SLC22A15: variants seen among roughly 807,000 people sequenced by gnomAD.
The protein encoded by SLC22A15 is flipt 1.
SLC22A15 carries 45 observed loss-of-function variants against 62.7 expected under a neutral mutation model. The ratio of observed to expected loss-of-function variants is 0.72; its 90% CI spans 0.56 to 0.92. The LOEUF (loss-of-function observed/expected upper bound fraction) is 0.92. SLC22A15 is among the 40% of genes least tolerant of loss of function. The pLI is 0.00. For missense variants in SLC22A15, 622 were observed against 665.6 expected (o/e 0.93, Z 0.72); for synonymous variants, 264 against 267.0 (o/e 0.99, Z 0.11).
At chr1:115,997,795 G>T (rs771464483) in intron 2 of SLC22A15, among the ~76,000 whole-genome samples, 1 of 151,440 alleles carries the variant, frequency 6.6e-6, no homozygotes, top group Admixed American at 6.6e-5. Context: ...TCTTTCTCTT[G>T]TCTGATTGCT....
At chr1:116,011,925 T>C (rs560487363) in intron 2 of SLC22A15, among the ~76,000 whole-genome samples, 34 of 152,258 alleles carry the variant, frequency 2.2e-4, no homozygotes, top group Non-Finnish European at 3.8e-4. Flanking sequence ...CCTAGACTTC[T>C]GCACGACAGT....
chr1:116,051,757 A>G (rs1309466453), intron 8 of SLC22A15, among the ~76,000 whole-genome samples: 3 of 152,220 alleles, frequency 2.0e-5, no homozygotes, highest in Non-Finnish European at 4.4e-5. Flanking sequence ...GGACATGTCC[A>G]GCAGCTGCTC....
chr1:116,033,756 A>G (rs1657528597), intron 6 of SLC22A15, among the ~76,000 whole-genome samples: 1 of 152,216 alleles, frequency 6.6e-6, no homozygotes, highest in African/African-American at 2.4e-5. Flanking sequence ...CTTTCATGCA[A>G]GATACCTGGG....
At chr1:116,054,622 C>A (rs903420031) in intron 8 of SLC22A15, among the ~76,000 whole-genome samples, 20 of 152,132 alleles carry the variant, frequency 1.3e-4, no homozygotes, top group Admixed American at 9.2e-4. Flanking sequence ...AGCACCACAC[C>A]ACACCTATTC....
intron 2 of SLC22A15, among the ~76,000 whole-genome samples, chr1:116,009,730 T>C (rs1656156509): frequency 6.6e-6 from 1 of 152,238 alleles, no homozygotes; most frequent in African/African-American, 2.4e-5. Context: ...AATTGGTACC[T>C]AAACATGTCA....
At position 116,069,949 on chromosome 1, in the gene SLC22A15, T is replaced by C. The variant is rs912138318; in HGVS notation, c.*2841T>C. On this transcript the variant is annotated 3_prime_UTR_variant, in exon 12 of 12. Coordinates refer to ENST00000369503, the MANE Select transcript of SLC22A15 (RefSeq NM_018420.3). ...ACTTCTCCATACAAATGCTTTATCA[T>C]TGGTTCTTAAATTGGAAAAATATCT... 8.5e-5 allele frequency: 13 copies of C among 152,242 alleles called. No homozygotes were observed. The highest frequency in any genetic ancestry group is 2.4e-4 in the African/African-American group (10 of 41,472). 9.4% of individuals were successfully genotyped at this position (152,242 alleles called of 1,614,324 possible). A position where few individuals can be genotyped will look rare whatever the true frequency, so the allele number is the denominator to read the frequency against.
intron 2 of SLC22A15, among the ~76,000 whole-genome samples, chr1:116,015,645 C>G (rs1046591027): frequency 1.4e-4 from 21 of 152,120 alleles, no homozygotes; most frequent in African/African-American, 4.8e-4. Flanking sequence ...AGGCCAAGAT[C>G]AGTATCTTGG....
At chr1:116,021,498 A>G (rs1656835885) in intron 4 of SLC22A15, among the ~76,000 whole-genome samples, 1 of 152,206 alleles carries the variant, frequency 6.6e-6, no homozygotes, top group Admixed American at 6.5e-5. Flanking sequence ...GACTTTATAG[A>G]CTTAGGTTTG....
intron 2 of SLC22A15, among the ~76,000 whole-genome samples, chr1:116,001,583 A>G (rs948715311): frequency 7.2e-5 from 11 of 151,734 alleles, no homozygotes; most frequent in Non-Finnish European, 1.3e-4. Context: ...AGCGCTCATT[A>G]ATTCTTTCTT....
At chr1:116,038,046 A>G (rs900748061) in intron 8 of SLC22A15, among the ~76,000 whole-genome samples, 3 of 152,164 alleles carry the variant, frequency 2.0e-5, no homozygotes, top group African/African-American at 7.2e-5. Flanking sequence ...CTGGTTTTCA[A>G]TCTCTTTTTT....
chr1:116,020,463 G>A (rs1656768008), intron 3 of SLC22A15, among the ~76,000 whole-genome samples: 1 of 151,644 alleles, frequency 6.6e-6, no homozygotes, highest in Admixed American at 6.6e-5. Flanking sequence ...GGCTGAGGCA[G>A]GAGATTGGTG....
rs149372801 is a variant in SLC22A15, at chr1:116,019,651, G to T, written c.370G>T (p.Val124Phe). 9.5e-4 allele frequency: 1,528 copies of T among 1,613,582 alleles called. 10 individuals carry two copies. In the African/African-American group the frequency reaches 0.018, roughly 19 times the overall value. Residue 124 changes from valine to phenylalanine, a missense_variant, in exon 3 of 12, where the codon GTT becomes TTT. Val to Phe is a conservative substitution (Grantham distance 50). Transcript: ENST00000369503. ...CTCTTTTTTCTTCAGTGGTGTATTT[G>T]TTGGAGTTATCTCTTTTGGTCAGCT... Reference protein sequence around the residue: ...ASSFFFSGVFVGVISFGQLSD... With the variant: ...ASSFFFSGVFFGVISFGQLSD...
intron 8 of SLC22A15, among the ~76,000 whole-genome samples, chr1:116,044,240 A>G (rs1441864682): frequency 6.6e-6 from 1 of 152,224 alleles, no homozygotes; most frequent in Non-Finnish European, 1.5e-5. Context: ...GCACTGCATA[A>G]AAAAGGCAAT....
At chr1:116,049,563 G>A (rs965560388) in intron 8 of SLC22A15, among the ~76,000 whole-genome samples, 2 of 151,940 alleles carry the variant, frequency 1.3e-5, no homozygotes, top group African/African-American at 4.8e-5. Context: ...GACAGTAATG[G>A]CACAACCTAT....
At chr1:116,026,034 A>G (rs1657068388) in intron 4 of SLC22A15, among the ~76,000 whole-genome samples, 1 of 152,208 alleles carries the variant, frequency 6.6e-6, no homozygotes, top group Admixed American at 6.5e-5. Flanking sequence ...AAGACAGGAA[A>G]CAAATAAATA....
At chr1:116,040,423 G>A (rs545279122) in intron 8 of SLC22A15, among the ~76,000 whole-genome samples, 1 of 152,264 alleles carries the variant, frequency 6.6e-6, no homozygotes, top group Non-Finnish European at 1.5e-5. Context: ...TTAATCAAGT[G>A]CTGGATTCTC....
intron 4 of SLC22A15, among the ~76,000 whole-genome samples, chr1:116,022,681 C>T (rs1207504385): frequency 6.6e-6 from 1 of 152,160 alleles, no homozygotes; most frequent in Non-Finnish European, 1.5e-5. Context: ...AAAGAGTCCC[C>T]TTGGAGTGTT....
intron 10 of SLC22A15, among the ~76,000 whole-genome samples, chr1:116,065,033 A>C (rs1368285728): frequency 2.0e-5 from 3 of 152,062 alleles, no homozygotes; most frequent in Non-Finnish European, 4.4e-5. Flanking sequence ...AAACTTTCTA[A>C]CTTGTATAGT....
At chr1:115,992,624 CTTTT>C (rs11378927) in intron 2 of SLC22A15, among the ~76,000 whole-genome samples, 2 of 137,512 alleles carry the variant, frequency 1.5e-5, no homozygotes, top group African/African-American at 2.6e-5. Flanking sequence ...TTTTTCTTTT[CTTTT>C]TTTTTTTTTT....
Sources: gnomAD v4.1 joint callset for allele counts (sites outside exome capture counted in the v4.1 genomes callset) on GRCh38, gnomAD v4.1.1 for gene constraint, MANE v1.5 for transcripts, NCBI Gene and HGNC (gene_info 2026-07-23, HGNC 2026-07-21) for gene names.